GPHN: variants seen among roughly 807,000 people sequenced by gnomAD.
GPHN encodes gephyrin.
GPHN carries 17 observed loss-of-function variants against 95.5 expected under a neutral mutation model. The ratio of observed to expected loss-of-function variants is 0.18; its 90% confidence interval spans 0.12 to 0.27. The LOEUF (loss-of-function observed/expected upper bound fraction) is 0.27. Ranked by LOEUF, GPHN falls within the 10% of genes least tolerant of loss-of-function variation. The pLI is 1.00. For synonymous variants in GPHN, 320 were observed against 322.5 expected, an observed-to-expected ratio of 0.99 and a Z score of 0.08; for missense variants, 660 against 978.1, an observed-to-expected ratio of 0.67 and a Z score of 4.34.
At chr14:66,930,186 G>A (rs1263279933) in intron 8 of GPHN, among the ~76,000 whole-genome samples, 7 of 151,684 alleles carry the variant, frequency 4.6e-5, no homozygotes, top group African/African-American at 7.3e-5. Flanking sequence ...TATTTGTTTT[G>A]TTTTGTTTTT....
chr14:67,669,139 T>C, the GPHN span, among the ~76,000 whole-genome samples: 1 of 152,162 alleles, frequency 6.6e-6, no homozygotes, highest in Non-Finnish European at 1.5e-5. Context: ...GAAAAACTAA[T>C]TGGGTTAAAG....
At chr14:67,526,628 A>G in the GPHN span, among the ~76,000 whole-genome samples, 2 of 152,218 alleles carry the variant, frequency 1.3e-5, no homozygotes, top group East Asian at 3.9e-4. Context: ...TTAAATCCCC[A>G]TTAATCACCA....
intron 10 of GPHN, among the ~76,000 whole-genome samples, chr14:67,047,334 T>TTTGTGTGTGTG (rs2075075686): frequency 5.6e-4 from 61 of 109,702 alleles, no homozygotes; most frequent in African/African-American, 2.2e-3. Flanking sequence ...GTGTGTGTGT[T>TTTGTGTGTGTG]TGTGTGTGTG....
At chr14:66,722,534 C>T (rs2070856597) in intron 2 of GPHN, among the ~76,000 whole-genome samples, 2 of 152,060 alleles carry the variant, frequency 1.3e-5, no homozygotes, top group Admixed American at 1.3e-4. Flanking sequence ...GCCTCAAACT[C>T]CTGGGCTCAA....
chr14:66,732,166 T>A (rs2071827020), intron 2 of GPHN, among the ~76,000 whole-genome samples: 4 of 151,640 alleles, frequency 2.6e-5, no homozygotes, highest in Admixed American at 2.6e-4. Flanking sequence ...CCACACAGAG[T>A]CCCCACTGGG....
the GPHN span, among the ~76,000 whole-genome samples, chr14:67,549,708 C>T: frequency 1.3e-5 from 2 of 152,234 alleles, no homozygotes; most frequent in African/African-American, 4.8e-5. Flanking sequence ...GGGGCTACGG[C>T]TCCAGGCTGC....
chr14:67,212,413 C>A, the GPHN span, among the ~76,000 whole-genome samples: 21 of 151,370 alleles, frequency 1.4e-4, no homozygotes, highest in Non-Finnish European at 2.8e-4. Context: ...CATTGCAAAA[C>A]CCTGTCTCTA....
intron 2 of GPHN, among the ~76,000 whole-genome samples, chr14:66,711,453 G>A (rs541203092): frequency 2.0e-5 from 3 of 152,140 alleles, no homozygotes; most frequent in South Asian, 4.1e-4. Context: ...ATGGGCACTT[G>A]GGTTCGTTCC....
intron 9 of GPHN, among the ~76,000 whole-genome samples, chr14:67,002,230 A>C (rs2072280016): frequency 6.6e-6 from 1 of 151,142 alleles, no homozygotes; most frequent in Admixed American, 6.6e-5. Flanking sequence ...CCCATCTTTT[A>C]AGTAGCTCAG....
At chr14:67,580,920 T>C in the GPHN span, 4 of 1,556,830 alleles carry the variant, frequency 2.6e-6, no homozygotes, top group Middle Eastern at 1.7e-4. Flanking sequence ...TCTGACTTTC[T>C]TCTTTTGCCT....
the GPHN span, among the ~76,000 whole-genome samples, chr14:67,644,241 C>T: frequency 6.6e-6 from 1 of 152,324 alleles, no homozygotes; most frequent in East Asian, 1.9e-4. Context: ...TAGGTCACTG[C>T]TCCTTTTATG....
At chr14:67,045,589 G>T (rs1297490313) in intron 10 of GPHN, among the ~76,000 whole-genome samples, 1 of 147,592 alleles carries the variant, frequency 6.8e-6, no homozygotes. Context: ...CTCAGTGTCT[G>T]TCTGTCTCTC....
the GPHN span, among the ~76,000 whole-genome samples, chr14:67,605,041 G>A: frequency 3.2e-3 from 484 of 152,176 alleles, 5 homozygotes; most frequent in African/African-American, 0.011. Context: ...TTCTCATACT[G>A]TTAAGTCTTT....
intron 19 of GPHN, among the ~76,000 whole-genome samples, chr14:67,164,544 C>T (rs933069841): frequency 6.6e-6 from 1 of 151,732 alleles, no homozygotes; most frequent in Non-Finnish European, 1.5e-5. Context: ...CCCAGGCTGG[C>T]GTGCAGTGGC....
the GPHN span, among the ~76,000 whole-genome samples, chr14:67,722,203 C>G: frequency 6.6e-6 from 1 of 152,128 alleles, no homozygotes; most frequent in Non-Finnish European, 1.5e-5. Context: ...TTTTAATCCA[C>G]TCATATTTTA....
intron 10 of GPHN, among the ~76,000 whole-genome samples, chr14:67,044,974 T>G (rs757117380): frequency 6.6e-6 from 1 of 152,156 alleles, no homozygotes; most frequent in Non-Finnish European, 1.5e-5. Flanking sequence ...CCAGATTTCA[T>G]CTCCATACAG....
the GPHN span, among the ~76,000 whole-genome samples, chr14:67,728,932 AT>A: frequency 6.6e-6 from 1 of 152,232 alleles, no homozygotes; most frequent in East Asian, 1.9e-4. Context: ...AAGCCACAGT[AT>A]AAAAACGACA....
intron 1 of GPHN, among the ~76,000 whole-genome samples, chr14:66,512,622 A>G (rs912580959): frequency 2.0e-5 from 3 of 151,822 alleles, no homozygotes; most frequent in African/African-American, 7.2e-5. Context: ...ATACTGGAAC[A>G]AATATAAGAC....
At chr14:67,280,853 T>TCCTTCCC in the GPHN span, among the ~76,000 whole-genome samples, 832 of 77,576 alleles carry the variant, frequency 0.011, 6 homozygotes, top group Middle Eastern at 0.018. Context: ...CCTTCCTTCC[T>TCCTTCCC]TCCCTCCCTC....
Sources: allele counts gnomAD v4.1 joint callset (sites outside exome capture counted in the v4.1 genomes callset), GRCh38; gene constraint gnomAD v4.1.1; transcripts MANE v1.5; gene names NCBI Gene and HGNC (gene_info 2026-07-23, HGNC 2026-07-21).